BACH2: variants seen among roughly 807,000 people sequenced by gnomAD.
BACH2 encodes BACH transcriptional regulator 2.
BACH2 carries 5 observed loss-of-function variants against 61.8 expected under a neutral mutation model. That is an observed-to-expected ratio of 0.08 (90% confidence interval 0.04 to 0.17). The LOEUF (loss-of-function observed/expected upper bound fraction) is 0.17, where lower values mean the gene tolerates loss of function less well. Among genes scored for constraint, BACH2 ranks in the 10% least tolerant of loss-of-function variants. The pLI, the probability that BACH2 is intolerant of heterozygous loss-of-function variation, is 1.00. For synonymous variants in BACH2, 446 were observed against 440.1 expected, an observed-to-expected ratio of 1.01 and a Z score of -0.17; for missense variants, 824 against 1,091.1, an observed-to-expected ratio of 0.76 and a Z score of 3.45.
chr6:90,210,311 CA>C (rs1769297865), intron 3 of BACH2, among the ~76,000 whole-genome samples: 3 of 97,812 alleles, frequency 3.1e-5, no homozygotes, highest in African/African-American at 1.4e-4. Flanking sequence ...CACCCCAAAA[CA>C]ACACACACAC....
Position 89,950,852 on chromosome 6 carries a change from A to C in BACH2, c.1254T>G (p.Ala418=), listed in dbSNP as rs746501289. The C allele has an allele frequency of 6.2e-7, 1 of 1,613,160 alleles. No individual in the cohort carries two copies. Among genetic ancestry groups the C allele is most frequent in the Non-Finnish European group, 8.5e-7 (1 of 1,179,486 alleles). Residue 418 remains alanine (A), a synonymous_variant, in exon 7 of 9, where the codon GCT becomes GCG. Coordinates refer to ENST00000257749, the MANE Select transcript of BACH2 (RefSeq NM_021813.4). This position sits in a 1 kb window ranked among gnomAD's most constrained non-coding sequence, Gnocchi z 5.3. ...GSPLRGPGLE[A]LCKQEGELDR... is the part of the protein sequence containing the mutation. Reference sequence around the variant, plus strand: ...CCAGCTCTCCCTCCTGTTTACAGAGAGCCTCCAACCCAGGCCCCCTGAGGG... The same window carrying C: ...CCAGCTCTCCCTCCTGTTTACAGAGCGCCTCCAACCCAGGCCCCCTGAGGG...
intron 4 of BACH2, among the ~76,000 whole-genome samples, chr6:90,107,259 C>A (rs1219500569): frequency 6.6e-6 from 1 of 151,910 alleles, no homozygotes; most frequent in African/African-American, 2.4e-5. Context: ...GTAGTCCCAG[C>A]TACTTGGGGG....
intron 5 of BACH2, among the ~76,000 whole-genome samples, chr6:90,057,627 G>A (rs571317838): frequency 6.6e-6 from 1 of 152,298 alleles, no homozygotes. Flanking sequence ...CATTTTATGA[G>A]GCCAGCATCA....
intron 4 of BACH2, among the ~76,000 whole-genome samples, chr6:90,120,356 T>C (rs1170889785): frequency 6.6e-6 from 1 of 152,234 alleles, no homozygotes; most frequent in Admixed American, 6.5e-5. Context: ...TCTGTGGGCA[T>C]TTAACAATGT....
At chr6:90,233,530 C>A (rs1770165118) in intron 3 of BACH2, among the ~76,000 whole-genome samples, 1 of 152,146 alleles carries the variant, frequency 6.6e-6, no homozygotes, top group South Asian at 2.1e-4. Flanking sequence ...TGACCCTGGA[C>A]AAGGTATCAA....
chr6:90,195,034 G>A (rs1380371138), intron 4 of BACH2, among the ~76,000 whole-genome samples: 2 of 152,154 alleles, frequency 1.3e-5, no homozygotes, highest in African/African-American at 2.4e-5. Flanking sequence ...AAAAGAAGAG[G>A]GGAAAATCCC....
rs543355779 is a variant in BACH2 at position 90,008,534 on chromosome 6, C to T, written c.243+68G>A. On this transcript the variant is annotated intron_variant, in intron 6 of 8. Transcript: ENST00000257749. The surrounding 1 kb of genome is among the most constrained non-coding windows in gnomAD (Gnocchi z 4.1). The stretch of plus-strand genomic sequence containing the variant: ...ATGGCACCTAGTACATCTTCTAGCT[C>T]CTAGTCAGCCAGTTTTCTGTAAGTC... 9.1e-5 allele frequency: 145 copies of T among 1,591,026 alleles called. No individual in the cohort carries two copies. In the South Asian group the frequency reaches 1.6e-3, roughly 17 times the overall value.
intron 2 of BACH2, among the ~76,000 whole-genome samples, chr6:90,261,773 T>A (rs575257689): frequency 2.3e-4 from 35 of 152,328 alleles, no homozygotes; most frequent in African/African-American, 7.0e-4. Context: ...TCTCACGATC[T>A]AATTGAGCAC....
At chr6:89,986,220 T>A (rs540219595) in intron 6 of BACH2, among the ~76,000 whole-genome samples, 1 of 100,062 alleles carries the variant, frequency 1.0e-5, no homozygotes, top group Non-Finnish European at 2.0e-5. Context: ...AAAGTCTGAG[T>A]TTTTTTTTTT....
chr6:89,963,049 A>G (rs1774837728), intron 6 of BACH2, among the ~76,000 whole-genome samples: 1 of 152,208 alleles, frequency 6.6e-6, no homozygotes, highest in East Asian at 1.9e-4. Flanking sequence ...AGCAAAATAT[A>G]AAATAACCCA....
At chr6:90,077,639 T>C (rs1781531409) in intron 5 of BACH2, among the ~76,000 whole-genome samples, 1 of 152,128 alleles carries the variant, frequency 6.6e-6, no homozygotes, top group African/African-American at 2.4e-5. Flanking sequence ...AAGGAAAATT[T>C]GAAGAGGATT....
chr6:89,988,036 A>G (rs971966811), intron 6 of BACH2, among the ~76,000 whole-genome samples: 7 of 152,238 alleles, frequency 4.6e-5, no homozygotes, highest in Non-Finnish European at 1.0e-4. Flanking sequence ...TCAGTTTGGA[A>G]TGCTGGCCTA....
chr6:90,069,487 C>A (rs533106007), intron 5 of BACH2, among the ~76,000 whole-genome samples: 1 of 152,210 alleles, frequency 6.6e-6, no homozygotes, highest in African/African-American at 2.4e-5. Context: ...CTGTGAATGA[C>A]ACTCTCCTAA....
At chr6:90,069,287 T>C (rs1781112584) in intron 5 of BACH2, among the ~76,000 whole-genome samples, 1 of 152,224 alleles carries the variant, frequency 6.6e-6, no homozygotes, top group African/African-American at 2.4e-5. Context: ...GATGGCAGTG[T>C]TCCAATTTCT....
intron 5 of BACH2, among the ~76,000 whole-genome samples, chr6:90,070,494 T>C (rs1781173500): frequency 6.6e-6 from 1 of 152,156 alleles, no homozygotes; most frequent in African/African-American, 2.4e-5. Flanking sequence ...AGACACAGCA[T>C]GGCGGTTGGG....
At chr6:90,073,275 C>T (rs1176122921) in intron 5 of BACH2, among the ~76,000 whole-genome samples, 1 of 151,402 alleles carries the variant, frequency 6.6e-6, no homozygotes, top group Non-Finnish European at 1.5e-5. Context: ...CCCTCTGAAC[C>T]TCCCCAAACT....
intron 5 of BACH2, among the ~76,000 whole-genome samples, chr6:90,076,081 C>A (rs1179419696): frequency 6.6e-6 from 1 of 152,048 alleles, no homozygotes; most frequent in Non-Finnish European, 1.5e-5. Flanking sequence ...TCTACAAGTC[C>A]CACTCTAGGA....
rs1339981680 is a variant in BACH2, at chr6:89,938,348, T to C, written c.1839A>G (p.Val613=). 1 of 1,611,206 alleles carries C rather than the reference T, an allele frequency of 6.2e-7. No individual in the cohort carries two copies. Among genetic ancestry groups the C allele is most frequent in the Admixed American group, 1.7e-5 (1 of 59,942 alleles). ...TTTGATCTACAGGAAAAGGAAGTTT[T>C]ACCTGAAACCAAGAATAACAGAAAA... The part of the protein sequence containing the change: ...SCPVQDRGQE[V]KLPFPVDQIT... Residue 613 remains valine, a splice_region_variant and synonymous_variant, in exon 8 of 9, where the codon GTA becomes GTG. Transcript: ENST00000257749.
At chr6:90,240,117 A>T (rs1439360058) in intron 3 of BACH2, among the ~76,000 whole-genome samples, 8 of 152,204 alleles carry the variant, frequency 5.3e-5, no homozygotes, top group Non-Finnish European at 1.2e-4. Flanking sequence ...AGTAACAGGT[A>T]TATCCTAATC....
Sources: gnomAD v4.1 joint callset for allele counts (sites outside exome capture counted in the v4.1 genomes callset) on GRCh38, gnomAD v4.1.1 for gene constraint, Gnocchi (gnomAD v3.1) non-coding constraint, MANE v1.5 for transcripts, NCBI Gene and HGNC (gene_info 2026-07-23, HGNC 2026-07-21) for gene names.